The following PCDH15 variants were observed in gnomAD, a reference collection of about 807,000 sequenced individuals.
PCDH15 encodes protocadherin related 15.
Under a neutral mutation model 178.5 loss-of-function variants are expected in PCDH15, and 129 were observed. The ratio of observed to expected loss-of-function variants is 0.72; its 90% CI spans 0.63 to 0.84. The LOEUF is 0.84. Ranked by LOEUF, PCDH15 falls within the 40% of genes least tolerant of loss-of-function variation. The pLI is 0.00. For missense variants in PCDH15, 2,230 were observed against 2,099.9 expected (o/e 1.06, Z -1.21); for synonymous variants, 800 against 732.0 (o/e 1.09, Z -1.50).
intron 26 of PCDH15, among the ~76,000 whole-genome samples, chr10:53,884,095 GCTCAATCTGTCTT>G (rs2080927077): frequency 6.6e-6 from 1 of 152,184 alleles, no homozygotes; most frequent in African/African-American, 2.4e-5. Context: ...AAATAGCACT[GCTCAATCTGTCTT>G]TAACTTACTT....
chr10:54,725,055 C>T (rs973385433), intron 1 of PCDH15, among the ~76,000 whole-genome samples: 1 of 151,110 alleles, frequency 6.6e-6, no homozygotes, highest in Non-Finnish European at 1.5e-5. Context: ...CCCATTAGTC[C>T]GAAACACAGA....
At chr10:55,265,311 G>GAGATATATATATATATATATATAT (rs1666385449) in intron 1 of PCDH15, among the ~76,000 whole-genome samples, 2 of 144,214 alleles carry the variant, frequency 1.4e-5, no homozygotes, top group African/African-American at 5.3e-5. Context: ...GTATCTCTAT[G>GAGATATATATATATATATATATAT]ATATATATAT....
chr10:54,335,735 C>T (rs983690422), intron 6 of PCDH15, among the ~76,000 whole-genome samples: 2 of 152,018 alleles, frequency 1.3e-5, no homozygotes, highest in South Asian at 2.1e-4. Context: ...CCCAGTCTCA[C>T]GTATGTCTTT....
intron 28 of PCDH15, among the ~76,000 whole-genome samples, chr10:53,847,916 CAAAATT>C (rs1453077315): frequency 1.3e-5 from 2 of 151,746 alleles, no homozygotes; most frequent in Admixed American, 6.6e-5. Context: ...AAAATTAAAA[CAAAATT>C]AAATTTAGCC....
chr10:54,562,116 A>G (rs146844660), intron 2 of PCDH15, among the ~76,000 whole-genome samples: 2,931 of 148,442 alleles, frequency 0.02, 90 homozygotes, highest in African/African-American at 0.069. Flanking sequence ...TCAACCTCCC[A>G]AGTAGCTGTG....
intron 21 of PCDH15, among the ~76,000 whole-genome samples, chr10:53,978,614 T>TA (rs1249688918): frequency 6.6e-6 from 1 of 151,842 alleles, no homozygotes; most frequent in Non-Finnish European, 1.5e-5. Flanking sequence ...CCTCATTACT[T>TA]ACGCAAATTT....
At chr10:55,602,804 T>A (rs1001349042) in intron 2 of PCDH15, among the ~76,000 whole-genome samples, 12 of 151,856 alleles carry the variant, frequency 7.9e-5, no homozygotes, top group Non-Finnish European at 1.5e-4. Context: ...AGAACAGAAA[T>A]ACTGGAAACT....
intron 26 of PCDH15, among the ~76,000 whole-genome samples, chr10:53,872,233 T>G (rs1364770825): frequency 1.3e-5 from 2 of 152,192 alleles, no homozygotes; most frequent in Admixed American, 1.3e-4. Flanking sequence ...GTATTAGGCA[T>G]GAATAACATT....
At chr10:55,596,986 A>G (rs1842947878) in intron 2 of PCDH15, 1 of 152,172 alleles carries the variant, frequency 6.6e-6, no homozygotes, top group African/African-American at 2.4e-5. Flanking sequence ...GAGACAACCT[A>G]CAAACTGGGA....
intron 2 of PCDH15, among the ~76,000 whole-genome samples, chr10:55,061,987 T>C (rs1052322209): frequency 1.3e-5 from 2 of 152,192 alleles, no homozygotes; most frequent in Non-Finnish European, 2.9e-5. Context: ...GCCACTGCAC[T>C]CCAGCCTGGC....
intron 2 of PCDH15, among the ~76,000 whole-genome samples, chr10:55,073,574 T>A (rs935480372): frequency 8.5e-5 from 13 of 152,260 alleles, no homozygotes; most frequent in Admixed American, 8.5e-4. Flanking sequence ...AATTTTTACA[T>A]CTATCTTCAT....
chr10:54,934,689 C>G (rs6481133), intron 2 of PCDH15, among the ~76,000 whole-genome samples: 138,658 of 144,332 alleles, frequency 0.96, 66,630 homozygotes, highest in East Asian at 1. Context: ...CAGGGATCTA[C>G]AACTAGAAAT....
At chr10:55,442,368 CTT>C (rs527792011) in intron 2 of PCDH15, among the ~76,000 whole-genome samples, 20 of 138,226 alleles carry the variant, frequency 1.4e-4, no homozygotes, top group African/African-American at 5.1e-4. Flanking sequence ...TCATGTGTTC[CTT>C]TTTTTTTTAA....
At chr10:54,172,693 A>G (rs1018864961) in intron 13 of PCDH15, among the ~76,000 whole-genome samples, 2 of 152,216 alleles carry the variant, frequency 1.3e-5, no homozygotes, top group South Asian at 2.1e-4. Flanking sequence ...TCAAATATCT[A>G]GTAAACCAGC....
At chr10:54,298,975 T>C (rs2059971045) in intron 8 of PCDH15, among the ~76,000 whole-genome samples, 1 of 152,230 alleles carries the variant, frequency 6.6e-6, no homozygotes, top group Non-Finnish European at 1.5e-5. Context: ...TCCTAACCTC[T>C]GGGGGAACCC....
intron 29 of PCDH15, among the ~76,000 whole-genome samples, chr10:53,838,326 C>T (rs1047961382): frequency 1.3e-5 from 2 of 151,954 alleles, no homozygotes; most frequent in Non-Finnish European, 2.9e-5. Context: ...TGCCTGCTGG[C>T]TATGATAGTT....
At chr10:54,460,563 C>T (rs1356403682) in intron 3 of PCDH15, among the ~76,000 whole-genome samples, 1 of 151,854 alleles carries the variant, frequency 6.6e-6, no homozygotes, top group Non-Finnish European at 1.5e-5. Context: ...AAACATGGAG[C>T]GGGAATCCCA....
chr10:54,931,474 A>G (rs1278998789), intron 2 of PCDH15, among the ~76,000 whole-genome samples: 3 of 152,164 alleles, frequency 2.0e-5, no homozygotes, highest in Non-Finnish European at 2.9e-5. Flanking sequence ...GTGCTGAGGT[A>G]TAAGCCCATT....
intron 3 of PCDH15, among the ~76,000 whole-genome samples, chr10:54,831,307 A>AG (rs999852677): frequency 3.3e-4 from 50 of 152,158 alleles, no homozygotes; most frequent in African/African-American, 1.2e-3. Context: ...TTGGTGTGAC[A>AG]GAAAAAACTT....
Sources: gnomAD v4.1 joint callset for allele counts (sites outside exome capture counted in the v4.1 genomes callset) on GRCh38, gnomAD v4.1.1 for gene constraint, MANE v1.5 for transcripts, NCBI Gene and HGNC (gene_info 2026-07-23, HGNC 2026-07-21) for gene names.